TTN: variants seen among roughly 807,000 people sequenced by gnomAD.
TTN encodes titin.
A neutral mutation model predicts 3,223.0 loss-of-function variants in TTN; 1,525 were observed. That is an observed-to-expected ratio of 0.47 (90% CI 0.45 to 0.49). The LOEUF (loss-of-function observed/expected upper bound fraction) is 0.49. Ranked by LOEUF, TTN falls within the 20% of genes least tolerant of loss-of-function variation. TTN has a pLI of 0.00. For missense variants in TTN, 40,786 were observed against 43,424.0 expected (o/e 0.94, Z 5.40); for synonymous variants, 14,094 against 15,161.0 (o/e 0.93, Z 5.17).
chr2:178,632,438 T>C, intron 235 of TTN, 25 bp from the exon 236 acceptor site: 1 of 1,576,364 alleles, frequency 6.3e-7, no homozygotes, highest in Non-Finnish European at 8.6e-7. Context: ...AAGAAAGAAC[T>C]TATTAATTGA....
At position 178,560,307 on chromosome 2, in the gene TTN, T is replaced by C; in HGVS notation, c.85825A>G (p.Arg28609Gly). The change falls in exon 326 of 363, where the codon AGA becomes GGA. Residue 28609 changes from arginine (R) to glycine (G), a missense_variant. Physicochemically the swap from Arg to Gly is moderately radical, Grantham distance 125. Coordinates refer to ENST00000589042, the MANE Select transcript of TTN (RefSeq NM_001267550.2). ...RVNKKPVYDL[R>G]VKSTGLREGC... ...TCCCGAAGTCCTGTTGATTTCACTC[T>C]TAGATCATAAACTGGTTTTTTGTTT... 1 of 1,613,842 alleles carries C rather than the reference T, an allele frequency of 6.2e-7. No homozygotes were observed. The highest frequency in any genetic ancestry group is 8.5e-7 in the Non-Finnish European group (1 of 1,179,788).
rs1446415238 is a variant in TTN at position 178,727,620 on chromosome 2, C to G, written c.19958G>C (p.Gly6653Ala). 10 of 1,596,750 alleles carry G rather than the reference C, an allele frequency of 6.3e-6. No homozygotes were observed. The South Asian group carries it at 1.1e-4, about 18-fold the overall frequency. Residue 6653 changes from glycine (G) to alanine (A), a missense_variant, in exon 68 of 363, where the codon GGT (glycine) becomes GCT (alanine). Transcript: ENST00000589042. ...CAACATCGTAGTACAAGAGTCGCTA[C>G]CAACATCATTGGTAACATGGCAAGT... is the stretch of plus-strand genomic sequence containing the variant. Reference protein sequence around the residue: ...QYTCHVTNDVGSDSCTTMLLV... With the variant: ...QYTCHVTNDVASDSCTTMLLV...
chr2:178,756,256 C>T lies in TTN; in HGVS notation c.11220G>A (p.Glu3740=). 2 of 1,612,962 alleles carry T rather than the reference C, an allele frequency of 1.2e-6. No individual in the cohort carries two copies. The highest frequency in any genetic ancestry group is 2.2e-5 in the South Asian group (2 of 91,040). Reference sequence around the variant, plus strand: ...CACTTAGTACTGCTGACGTTGTCCTCTCTCCACAGTCATTGTGTACAATGC... The same window carrying T: ...CACTTAGTACTGCTGACGTTGTCCTTTCTCCACAGTCATTGTGTACAATGC... ...YSCIVHNDCG[E]RTTSAVLSVE... The change falls in exon 46 of 363, where the codon GAG becomes GAA. Residue 3740 remains glutamate (E), a synonymous_variant. Coordinates refer to ENST00000589042, the MANE Select transcript of TTN (RefSeq NM_001267550.2).
At position 178,604,759 on chromosome 2, in the gene TTN, C is replaced by T. The variant is rs1167846458; in HGVS notation, c.54330G>A (p.Lys18110=). Residue 18110 remains lysine, a synonymous_variant, in exon 281 of 363, where the codon AAG becomes AAA. Coordinates refer to ENST00000589042, the MANE Select transcript of TTN (RefSeq NM_001267550.2). ...TGGTGACTTCCTCCCATTCTGCTTT[C>T]TTCCTACTTGCATCACGTTTGTCAA... is the stretch of plus-strand genomic sequence containing the variant. ...YVIDKRDASR[K]KAEWEEVTNT... is the part of the protein sequence containing the mutation. The T allele has an allele frequency of 3.1e-6, 5 of 1,612,014 alleles. No individual in the cohort carries two copies. The highest frequency in any genetic ancestry group is 4.5e-5 in the East Asian group (2 of 44,728).
rs768851060 is a variant in TTN at position 178,566,806 on chromosome 2, T to A, written c.79326A>T (p.Thr26442=). Residue 26442 remains threonine, a synonymous_variant, in exon 326 of 363, where the codon ACA becomes ACT. Coordinates refer to ENST00000589042, the MANE Select transcript of TTN (RefSeq NM_001267550.2). ...ATCCTGTCACTCTTAGACGCAAATCTGTAATGCGGCGTTTATTACATTTTA... is the reference window on the plus strand; with the variant it reads ...ATCCTGTCACTCTTAGACGCAAATCAGTAATGCGGCGTTTATTACATTTTA... ...RWIKCNKRRI[T]DLRLRVTGLT... 9 of 1,613,270 alleles carry A rather than the reference T, an allele frequency of 5.6e-6. No homozygotes were observed. The South Asian group carries it at 9.9e-5, about 18-fold the overall frequency.
At chr2:178,695,008 A>G (rs1015120689) in intron 115 of TTN, 102 bp from the exon 116 acceptor site, 4 of 809,020 alleles carry the variant, frequency 4.9e-6, no homozygotes, top group African/African-American at 3.5e-5. Context: ...ATACACACCT[A>G]TAAGTGTATA....
intron 47 of TTN, chr2:178,750,251 T>G: frequency 6.2e-7 from 1 of 1,613,336 alleles, no homozygotes. Context: ...CAAGTAGTCA[T>G]GGAACACTGG....
Position 178,611,549 on chromosome 2 carries a change from C to G in TTN, c.50680G>C (p.Val16894Leu), listed in dbSNP as rs754878640. The change falls in exon 269 of 363, where the codon GTA (valine) becomes CTA (leucine). Residue 16894 changes from valine to leucine, a missense_variant. Physicochemically the swap from Val to Leu is conservative, Grantham distance 32. Coordinates refer to ENST00000589042, the MANE Select transcript of TTN (RefSeq NM_001267550.2). ...IIGYHVEMCP[V>L]GTEKWMRVNS... ...ACTCTCATCCATTTCTCAGTGCCTA[C>G]TGGACACATTTCAACATGGTATCCT... 4.3e-6 allele frequency: 7 copies of G among 1,612,932 alleles called. No homozygotes were observed. The highest frequency in any genetic ancestry group is 5.1e-6 in the Non-Finnish European group (6 of 1,179,330).
intron 311 of TTN, 122 bp from the exon 312 acceptor site, chr2:178,584,028 T>G (rs1419637633): frequency 1.7e-6 from 2 of 1,188,476 alleles, no homozygotes; most frequent in Non-Finnish European, 2.3e-6. Context: ...TATCCCATTT[T>G]AATAACCGTC....
chr2:178,701,076 A>G, intron 111 of TTN, 44 bp downstream of exon 111: 4 of 1,590,514 alleles, frequency 2.5e-6, no homozygotes, highest in Non-Finnish European at 2.6e-6. Context: ...GGGTCAGCAG[A>G]GTGAAATTCT....
At chr2:178,690,035 T>A (rs1037258526) in intron 121 of TTN, 139 bp from the exon 122 acceptor site, 10 of 671,450 alleles carry the variant, frequency 1.5e-5, no homozygotes, top group Non-Finnish European at 2.6e-5. Flanking sequence ...TCCAGAAAAT[T>A]AAACTAACTA....
chr2:178,756,447 C>G lies in TTN; in HGVS notation c.11029G>C (p.Ala3677Pro). Residue 3677 changes from alanine (A) to proline (P), a missense_variant, in exon 46 of 363, where the codon GCT (alanine) becomes CCT (proline). Ala to Pro is a conservative substitution (Grantham distance 27). Transcript: ENST00000589042. ...TCTTTTAAAACACAGAGGAATTGAGCCGTGTCACCGCACTTTACAGTGACG... is the reference window on the plus strand; with the variant it reads ...TCTTTTAAAACACAGAGGAATTGAGGCGTGTCACCGCACTTTACAGTGACG... ...QDVTVKCGDT[A>P]QFLCVLKDDS... is the part of the protein sequence containing the mutation. 1 of 1,613,770 alleles carries G rather than the reference C, an allele frequency of 6.2e-7. No homozygotes were observed. The highest frequency in any genetic ancestry group is 8.5e-7 in the Non-Finnish European group (1 of 1,179,790).
chr2:178,541,060 A>G (rs754265835), intron 350 of TTN: 13 of 380,870 alleles, frequency 3.4e-5, no homozygotes, highest in Non-Finnish European at 6.0e-5. Context: ...ATTAAAAATT[A>G]TTTGCCAGAA....
At chr2:178,683,032 G>C in intron 134 of TTN, 129 bp from the exon 135 acceptor site, 2 of 1,062,610 alleles carry the variant, frequency 1.9e-6, no homozygotes, top group African/African-American at 1.6e-5. Flanking sequence ...GACCCTGACT[G>C]TTCTTTTTTG....
rs774696610 is a variant in TTN at position 178,581,679 on chromosome 2, G to A, written c.66589C>T (p.Arg22197Trp). ...CTCACCCAGTTATCGGAGTCAGCCC[G>A]TTTTACTTCAACGAGATAACCAATG... ...PIIGYLVEVKRADSDNWVRCN... is the reference protein window; with the variant it reads ...PIIGYLVEVKWADSDNWVRCN... The change falls in exon 316 of 363, where the codon CGG becomes TGG. Residue 22197 changes from arginine (R) to tryptophan (W), a missense_variant. By Grantham distance (101) the Arg-to-Trp change is moderately radical. Transcript: ENST00000589042. The A allele has an allele frequency of 1.1e-5, 17 of 1,612,322 alleles. No individual in the cohort carries two copies. In the African/African-American group the frequency reaches 1.2e-4, roughly 11 times the overall value.
intron 169 of TTN, 55 bp downstream of exon 169, chr2:178,663,960 A>G: frequency 6.2e-7 from 1 of 1,612,456 alleles, no homozygotes; most frequent in Non-Finnish European, 8.5e-7. Context: ...AGAAAAAAAT[A>G]TTGTCAAGAG....
In TTN at chr2:178,532,384, G is replaced by T. The variant is rs1325061241; in HGVS notation, c.104231C>A (p.Ala34744Glu). The change falls in exon 358 of 363, where the codon GCA becomes GAA. Residue 34744 changes from alanine to glutamate, a missense_variant. Coordinates refer to ENST00000589042, the MANE Select transcript of TTN (RefSeq NM_001267550.2). ...CTGGGCATGCCGTTCCCTCAGTTCT[G>T]CATAACTTGTACTAGCTTCAGCCTT... is the stretch of plus-strand genomic sequence containing the variant. ...PTKAEASTSY[A>E]ELRERHAQAA... 6.2e-7 allele frequency: 1 copy of T among 1,613,956 alleles called. No homozygotes were observed. The highest frequency in any genetic ancestry group is 1.7e-5 in the Admixed American group (1 of 60,016).
In TTN at chr2:178,721,955, G is replaced by T; in HGVS notation, c.22708C>A (p.Pro7570Thr). The T allele has an allele frequency of 6.2e-7, 1 of 1,613,542 alleles. No individual in the cohort carries two copies. Among genetic ancestry groups the T allele is most frequent in the Non-Finnish European group, 8.5e-7 (1 of 1,179,574 alleles). Residue 7570 changes from proline to threonine, a missense_variant, in exon 78 of 363, where the codon CCT becomes ACT. By Grantham distance (38) the Pro-to-Thr change is conservative. Coordinates refer to ENST00000589042, the MANE Select transcript of TTN (RefSeq NM_001267550.2). ...CCTACTTTAAGAATTCTCAAATGAG[G>T]AGTGTTTCCCACACATGTGATTGTA... is the stretch of plus-strand genomic sequence containing the variant. ...NYTITCVGNTPHLRILKVGKG... is the reference protein window; with the variant it reads ...NYTITCVGNTTHLRILKVGKG...
At chr2:178,755,373 T>C (rs781709633) in intron 46 of TTN, among the ~76,000 whole-genome samples, 2 of 152,274 alleles carry the variant, frequency 1.3e-5, no homozygotes. Flanking sequence ...TGGAGAAATA[T>C]CTAGAGACTT....
Sources: allele counts gnomAD v4.1 joint callset (sites outside exome capture counted in the v4.1 genomes callset), GRCh38; gene constraint gnomAD v4.1.1; transcripts MANE v1.5; gene names NCBI Gene and HGNC (gene_info 2026-07-23, HGNC 2026-07-21).